The following M1AP variants were observed in gnomAD, a reference collection of about 807,000 sequenced individuals.
M1AP encodes meiosis 1 arrest protein.
Under a neutral mutation model 51.2 loss-of-function variants are expected in M1AP, and 39 were observed. That is an observed-to-expected ratio of 0.76 (90% confidence interval 0.59 to 1.00). The LOEUF is 1.00. Ranked by LOEUF, M1AP falls within the 50% of genes least tolerant of loss-of-function variation. M1AP has a pLI of 0.00. For synonymous variants in M1AP, 251 were observed against 249.2 expected, an observed-to-expected ratio of 1.01 and a Z score of -0.07; for missense variants, 545 against 641.2, an observed-to-expected ratio of 0.85 and a Z score of 1.62.
intron 2 of M1AP, among the ~76,000 whole-genome samples, chr2:74,623,810 T>C (rs1682216125): frequency 6.6e-6 from 1 of 152,172 alleles, no homozygotes; most frequent in Non-Finnish European, 1.5e-5. Context: ...TAGCTGGGAC[T>C]ACAGGCATGA....
chr2:74,564,889 T>C (rs1039156488), intron 7 of M1AP, among the ~76,000 whole-genome samples: 3 of 152,206 alleles, frequency 2.0e-5, no homozygotes, highest in Admixed American at 1.3e-4. Flanking sequence ...TATTTTTACA[T>C]TGATTCGTGC....
At chr2:74,618,948 T>C (rs1412542541) in intron 2 of M1AP, 1 of 535,122 alleles carries the variant, frequency 1.9e-6, no homozygotes. Flanking sequence ...TCTGCCACTC[T>C]TGTGACAATG....
chr2:74,609,219 C>G (rs1022982006), intron 3 of M1AP, among the ~76,000 whole-genome samples: 6 of 151,986 alleles, frequency 3.9e-5, no homozygotes, highest in Non-Finnish European at 7.3e-5. Flanking sequence ...CCCTTCCCCC[C>G]TATCCTCAGC....
chr2:74,601,778 T>G (rs1680694814), intron 4 of M1AP, among the ~76,000 whole-genome samples: 1 of 152,192 alleles, frequency 6.6e-6, no homozygotes, highest in South Asian at 2.1e-4. Context: ...TATTAGATCC[T>G]GTAAAAGAAC....
At chr2:74,572,011 A>G (rs28722661) in intron 7 of M1AP, among the ~76,000 whole-genome samples, 3,032 of 152,116 alleles carry the variant, frequency 0.02, 108 homozygotes, top group African/African-American at 0.069. Flanking sequence ...AAAAAAAAAA[A>G]AAAGAAAGAA....
chr2:74,600,078 T>A (rs760224775), intron 4 of M1AP, among the ~76,000 whole-genome samples: 1 of 152,146 alleles, frequency 6.6e-6, no homozygotes, highest in Admixed American at 6.5e-5. Context: ...ACTGTTGATC[T>A]CTATTGTTCT....
intron 7 of M1AP, among the ~76,000 whole-genome samples, chr2:74,568,186 G>A (rs1343846656): frequency 6.6e-6 from 1 of 152,248 alleles, no homozygotes; most frequent in Admixed American, 6.5e-5. Flanking sequence ...CGGCCAACTG[G>A]CTAAGGGGAA....
intron 2 of M1AP, among the ~76,000 whole-genome samples, chr2:74,619,918 C>G (rs1180022720): frequency 6.6e-6 from 1 of 152,228 alleles, no homozygotes; most frequent in African/African-American, 2.4e-5. Flanking sequence ...GCAACAAGCT[C>G]TCAACCTCAC....
intron 2 of M1AP, among the ~76,000 whole-genome samples, chr2:74,631,980 T>C (rs1682733290): frequency 6.6e-6 from 1 of 152,230 alleles, no homozygotes; most frequent in Non-Finnish European, 1.5e-5. Context: ...TGACAATGGA[T>C]TTAAGGTCAT....
At chr2:74,577,033 C>A in intron 5 of M1AP, 1 of 362,192 alleles carries the variant, frequency 2.8e-6, no homozygotes, top group Non-Finnish European at 4.0e-6. Flanking sequence ...GGAAATCTTG[C>A]TTCTGCTGCT....
At chr2:74,603,025 C>G (rs1458517266) in intron 4 of M1AP, among the ~76,000 whole-genome samples, 2 of 152,208 alleles carry the variant, frequency 1.3e-5, no homozygotes, top group Non-Finnish European at 2.9e-5. Flanking sequence ...TGATCTGTCA[C>G]TGGCCAAAGA....
At chr2:74,592,056 G>T (rs949688796) in intron 4 of M1AP, among the ~76,000 whole-genome samples, 1 of 151,806 alleles carries the variant, frequency 6.6e-6, no homozygotes, top group Non-Finnish European at 1.5e-5. Flanking sequence ...ACCCACCTCG[G>T]CCTCCCAAAG....
At chr2:74,599,369 C>CT (rs929224753) in intron 4 of M1AP, among the ~76,000 whole-genome samples, 32 of 148,562 alleles carry the variant, frequency 2.2e-4, no homozygotes, top group South Asian at 8.6e-4. Flanking sequence ...TTCTCCTATG[C>CT]TTTTTTTTTT....
Position 74,558,623 on chromosome 2 carries a change from C to A in M1AP, c.*93G>T, listed in dbSNP as rs141387382. 1 of 1,464,718 alleles carries A rather than the reference C, an allele frequency of 6.8e-7. No individual in the cohort carries two copies. The allele number at this position is 1,464,718 out of a possible 1,614,324, so 90.7% of individuals were successfully genotyped here. A position where few individuals can be genotyped will look rare whatever the true frequency, so the allele number is the denominator to read the frequency against. The stretch of plus-strand genomic sequence containing the variant: ...CAGCCCTCACTCACAGAGGCTCAGG[C>A]GGATAGAGAGCAAGTCTGACCACAG... On this transcript the variant is annotated 3_prime_UTR_variant, in exon 11 of 11. Coordinates refer to ENST00000421985, the MANE Select transcript of M1AP (RefSeq NM_001321739.2).
At chr2:74,606,214 C>A (rs1373975391) in intron 4 of M1AP, among the ~76,000 whole-genome samples, 1 of 152,164 alleles carries the variant, frequency 6.6e-6, no homozygotes, top group Non-Finnish European at 1.5e-5. Flanking sequence ...TCAAACTGCA[C>A]AAATTCAAAG....
intron 2 of M1AP, 57 bp downstream of exon 2, chr2:74,639,979 A>G: frequency 6.9e-7 from 1 of 1,459,528 alleles, no homozygotes; most frequent in Non-Finnish European, 9.5e-7. Context: ...TCTATTCCAG[A>G]AACCTTACCA....
intron 2 of M1AP, chr2:74,628,605 G>C (rs746403551): frequency 4.3e-5 from 27 of 629,360 alleles, no homozygotes; most frequent in Admixed American, 1.0e-4. Flanking sequence ...ATTATCTTGA[G>C]AGGAAGACTT....
intron 4 of M1AP, among the ~76,000 whole-genome samples, chr2:74,583,269 T>A (rs1192771921): frequency 2.6e-5 from 4 of 152,244 alleles, no homozygotes; most frequent in African/African-American, 9.6e-5. Flanking sequence ...AAAAGATGAA[T>A]TTTGGGGTAT....
chr2:74,598,338 C>T (rs892161180), intron 4 of M1AP, among the ~76,000 whole-genome samples: 3 of 151,928 alleles, frequency 2.0e-5, no homozygotes, highest in Non-Finnish European at 2.9e-5. Context: ...GCCGAGACTG[C>T]GCCACCGCAC....
Sources: allele counts gnomAD v4.1 joint callset (sites outside exome capture counted in the v4.1 genomes callset), GRCh38; gene constraint gnomAD v4.1.1; transcripts MANE v1.5; gene names NCBI Gene and HGNC (gene_info 2026-07-23, HGNC 2026-07-21).